Variants in DCAF16 observed in about 807,000 individuals in gnomAD.
The protein encoded by DCAF16 is DDB1 and CUL4 associated factor 16.
Under a neutral mutation model 17.3 loss-of-function variants are expected in DCAF16, and 10 were observed. That is an observed-to-expected ratio of 0.58 (90% CI 0.36 to 0.98). The LOEUF is 0.98. Ranked by LOEUF, DCAF16 falls within the 50% of genes least tolerant of loss-of-function variation. The pLI, the probability that DCAF16 is intolerant of heterozygous loss-of-function variation, is 0.01. For synonymous variants in DCAF16, 111 were observed against 92.8 expected (o/e 1.20, Z -1.12); for missense variants, 249 against 247.6 (o/e 1.01, Z -0.04).
chr4:17,804,272 A>G lies in DCAF16; in HGVS notation c.-131T>C. On this transcript the variant is annotated 5_prime_UTR_variant, in exon 3 of 3. It removes the in-frame stop codon of an upstream open reading frame in the 5' UTR. Transcript: ENST00000382247. The stretch of plus-strand genomic sequence containing the variant: ...AGATTAATTTGTCTTTCAGTCCGTT[A>G]CACACATAAAGTATGCTTGTGGCCC... The G allele has an allele frequency of 1.3e-6, 1 of 747,390 alleles. No homozygotes were observed. The highest frequency in any genetic ancestry group is 2.2e-6 in the Non-Finnish European group (1 of 453,480). 46.3% of individuals were successfully genotyped at this position (747,390 alleles called of 1,614,324 possible).
downstream of DCAF16, among the ~76,000 whole-genome samples, chr4:17,800,432 A>G (rs1311639466): frequency 6.6e-6 from 1 of 152,212 alleles, no homozygotes; most frequent in Non-Finnish European, 1.5e-5. Context: ...ATTACTTAAA[A>G]TACATAAACA....
At position 17,807,805 on chromosome 4, in the gene DCAF16, G is replaced by A. The variant is rs191757419; in HGVS notation, c.-749-2580C>T. On this transcript the variant is annotated intron_variant, in intron 1 of 2. Coordinates refer to ENST00000382247, the MANE Select transcript of DCAF16 (RefSeq NM_017741.4). The stretch of plus-strand genomic sequence containing the variant: ...TGTCTCGTTTATGCTACTCTGTAGG[G>A]GGGATTTCCAAAATCAAAGTCAGTG... Among the ~76,000 whole-genome samples the A allele has an allele frequency of 1.6e-4, 25 of 152,320 alleles. No homozygotes were observed. In the East Asian group the frequency reaches 4.6e-3, roughly 28 times the overall value.
At chr4:17,799,335 A>T (rs1719584574), downstream of DCAF16, among the ~76,000 whole-genome samples, 1 of 152,140 alleles carries the variant, frequency 6.6e-6, no homozygotes, top group Non-Finnish European at 1.5e-5. Flanking sequence ...ATTTAATATG[A>T]CCCTAGACAG....
chr4:17,794,897 G>A, the DCAF16 span, among the ~76,000 whole-genome samples: 1 of 152,104 alleles, frequency 6.6e-6, no homozygotes, highest in Non-Finnish European at 1.5e-5. Flanking sequence ...AGTTTTCCTA[G>A]ATACCTACTT....
At chr4:17,798,331 T>A (rs1041218576), downstream of DCAF16, among the ~76,000 whole-genome samples, 53 of 139,372 alleles carry the variant, frequency 3.8e-4, no homozygotes, top group East Asian at 6.2e-4. Flanking sequence ...TTTTTTTTTT[T>A]ATACCAGGTA....
the DCAF16 span, among the ~76,000 whole-genome samples, chr4:17,794,673 C>T: frequency 5.3e-5 from 8 of 152,220 alleles, no homozygotes; most frequent in Non-Finnish European, 8.8e-5. Flanking sequence ...TCTTCTGTGG[C>T]GCACATCTTA....
Position 17,810,645 on chromosome 4 carries a change from T to TA in DCAF16, c.-949_-948insT, listed in dbSNP as rs199605595. On this transcript the variant is annotated 5_prime_UTR_variant, in exon 1 of 3. Coordinates refer to ENST00000382247, the MANE Select transcript of DCAF16 (RefSeq NM_017741.4). ...CCGTTCTCACTCTTGGAGGATCGCT[T>TA]TTTCTTTCTAGCCTCACGCTCAGCC... 5.0e-3 allele frequency: 784 copies of TA among 156,054 alleles called. 6 individuals carry two copies. Among genetic ancestry groups the TA allele is most frequent in the African/African-American group, 0.018 (750 of 41,772 alleles). The allele number at this position is 156,054 out of a possible 1,614,324, so 9.7% of individuals were successfully genotyped here. A position where few individuals can be genotyped will look rare whatever the true frequency, so the allele number is the denominator to read the frequency against.
At chr4:17,808,703 C>G (rs1720547911) in intron 1 of DCAF16, among the ~76,000 whole-genome samples, 1 of 152,056 alleles carries the variant, frequency 6.6e-6, no homozygotes, top group African/African-American at 2.4e-5. Context: ...GGTGTGATGT[C>G]TCTGTTGGTG....
intron 1 of DCAF16, among the ~76,000 whole-genome samples, chr4:17,805,710 C>G (rs1341896745): frequency 6.6e-6 from 1 of 152,150 alleles, no homozygotes. Context: ...GCTTGTAATC[C>G]TAGCATTTTG....
chr4:17,804,181 T>G lies in DCAF16; in HGVS notation c.-40A>C. On this transcript the variant is annotated 5_prime_UTR_variant, in exon 3 of 3. Coordinates refer to ENST00000382247, the MANE Select transcript of DCAF16 (RefSeq NM_017741.4). The stretch of plus-strand genomic sequence containing the variant: ...GTAAGGAACCAGAAAAAGGTAATAA[T>G]CTAAGCCAGCAGAACACTGACTAAC... The G allele has an allele frequency of 1.3e-6, 2 of 1,539,790 alleles. No individual in the cohort carries two copies. The highest frequency in any genetic ancestry group is 1.2e-5 in the South Asian group (1 of 83,382).
chr4:17,803,858 AGACCTATCTCTCGAAGTATATG>A lies in DCAF16; in HGVS notation c.262_283del (p.His88Ter). ...ACAATGGGAACAATGGGAGAGTCTTAGACCTATCTCTCGAAGTATATGGACTGGTGTGCTTGGATCCAACAGT... is the reference window on the plus strand; with the variant it reads ...ACAATGGGAACAATGGGAGAGTCTTAGACTGGTGTGCTTGGATCCAACAGT... On this transcript the variant is annotated frameshift_variant, in exon 3 of 3. Coordinates refer to ENST00000382247, the MANE Select transcript of DCAF16 (RefSeq NM_017741.4). LOFTEE classifies it high-confidence loss of function. The A allele has an allele frequency of 6.2e-7, 1 of 1,614,248 alleles. No individual in the cohort carries two copies. Among genetic ancestry groups the A allele is most frequent in the Non-Finnish European group, 8.5e-7 (1 of 1,180,038 alleles).
chr4:17,798,350 A>C (rs1400179043), downstream of DCAF16, among the ~76,000 whole-genome samples: 1 of 146,564 alleles, frequency 6.8e-6, no homozygotes, highest in Non-Finnish European at 1.5e-5. Flanking sequence ...TACCAGTGTA[A>C]CACCAGCACT....
the DCAF16 span, among the ~76,000 whole-genome samples, chr4:17,795,329 T>C: frequency 1.3e-5 from 2 of 152,236 alleles, no homozygotes; most frequent in African/African-American, 4.8e-5. Flanking sequence ...TCTAGCATTC[T>C]GAAATATCCT....
chr4:17,807,890 G>T (rs1720473929), intron 1 of DCAF16, among the ~76,000 whole-genome samples: 1 of 152,150 alleles, frequency 6.6e-6, no homozygotes, highest in Admixed American at 6.5e-5. Context: ...TATGGCTTCA[G>T]GTCAGCAATT....
At chr4:17,799,433 G>A (rs1172364963), downstream of DCAF16, among the ~76,000 whole-genome samples, 3 of 152,198 alleles carry the variant, frequency 2.0e-5, no homozygotes, top group East Asian at 5.8e-4. Flanking sequence ...TGCATTCCCA[G>A]TGTCTGCACT....
chr4:17,804,019 A>G lies in DCAF16; in HGVS notation c.123T>C (p.Ser41=), dbSNP rs775214207. The change falls in exon 3 of 3, where the codon TCT becomes TCC. Residue 41 remains serine (S), a synonymous_variant. Transcript: ENST00000382247. The part of the protein sequence containing the change: ...EEWDSSEEED[S]MVPNLSPLES... Reference sequence around the variant, plus strand: ...CAAGAGGCGATAAGTTGGGCACCATAGAGTCCTCTTCTTCAGAGGAATCCC... The same window carrying G: ...CAAGAGGCGATAAGTTGGGCACCATGGAGTCCTCTTCTTCAGAGGAATCCC... The G allele has an allele frequency of 1.8e-5, 29 of 1,614,082 alleles. 1 individual carries two copies. The South Asian group carries it at 2.2e-4, about 12-fold the overall frequency.
chr4:17,794,652 T>G, the DCAF16 span, among the ~76,000 whole-genome samples: 1 of 152,200 alleles, frequency 6.6e-6, no homozygotes, highest in Non-Finnish European at 1.5e-5. Flanking sequence ...ACTTTTTATT[T>G]TCTAAAAATA....
At chr4:17,810,195 A>G (rs903857519) in intron 1 of DCAF16, among the ~76,000 whole-genome samples, 1 of 152,026 alleles carries the variant, frequency 6.6e-6, no homozygotes, top group Non-Finnish European at 1.5e-5. Context: ...CCTAGTTCCT[A>G]CTCTTCTTTA....
Position 17,803,983 on chromosome 4 carries a change from G to C in DCAF16, c.159C>G (p.Ala53=). ...VPNLSPLESL[A]WQVKCLLKYS... is the part of the protein sequence containing the mutation. ...ATTTTAAAAGGCACTTAACCTGCCA[G>C]GCAAGACTCTCAAGAGGCGATAAGT... The change falls in exon 3 of 3, where the codon GCC becomes GCG. Residue 53 remains alanine (A), a synonymous_variant. Transcript: ENST00000382247. 1 of 1,614,186 alleles carries C rather than the reference G, an allele frequency of 6.2e-7. No individual in the cohort carries two copies. Among genetic ancestry groups the C allele is most frequent in the East Asian group, 2.2e-5 (1 of 44,892 alleles).
Sources: gnomAD v4.1 joint callset for allele counts (sites outside exome capture counted in the v4.1 genomes callset) on GRCh38, gnomAD v4.1.1 for gene constraint, MANE v1.5 for transcripts, NCBI Gene and HGNC (gene_info 2026-07-23, HGNC 2026-07-21) for gene names.